The following CSNK1G1 variants were observed in gnomAD, a reference collection of about 807,000 sequenced individuals.
CSNK1G1 encodes the protein casein kinase 1 gamma 1.
Under a neutral mutation model 59.6 loss-of-function variants are expected in CSNK1G1, and 22 were observed. The ratio of observed to expected loss-of-function variants is 0.37; its 90% CI spans 0.26 to 0.53. CSNK1G1 has a LOEUF of 0.53. CSNK1G1 is among the 20% of genes least tolerant of loss of function. CSNK1G1 has a pLI of 0.89. For synonymous variants in CSNK1G1, 179 were observed against 177.1 expected (o/e 1.01, Z -0.08); for missense variants, 384 against 519.5 (o/e 0.74, Z 2.54).
intron 1 of CSNK1G1, among the ~76,000 whole-genome samples, chr15:64,343,208 A>AACACACACACACACACACACACACAC (rs3057760): frequency 0.16 from 17,942 of 109,668 alleles, 2,234 homozygotes; most frequent in East Asian, 0.24. Flanking sequence ...GCAAAACTCC[A>AACACACACACACACACACACACACAC]ACACACACAC....
At chr15:64,192,675 A>G (rs1251459117) in intron 10 of CSNK1G1, among the ~76,000 whole-genome samples, 1 of 151,804 alleles carries the variant, frequency 6.6e-6, no homozygotes, top group Non-Finnish European at 1.5e-5. Context: ...CCTCGCCAAC[A>G]TGGTGAGACC....
At chr15:64,330,465 A>G (rs1420397125) in intron 1 of CSNK1G1, among the ~76,000 whole-genome samples, 11 of 147,212 alleles carry the variant, frequency 7.5e-5, no homozygotes, top group Admixed American at 3.4e-4. Flanking sequence ...GCCTTTGACA[A>G]AATTCAACAA....
At chr15:64,351,334 T>C (rs1478090013) in intron 1 of CSNK1G1, among the ~76,000 whole-genome samples, 1 of 152,236 alleles carries the variant, frequency 6.6e-6, no homozygotes, top group Non-Finnish European at 1.5e-5. Context: ...GGTACATATA[T>C]AAACCTTCCC....
chr15:64,182,621 C>T (rs1274339028), intron 10 of CSNK1G1, among the ~76,000 whole-genome samples: 7 of 152,106 alleles, frequency 4.6e-5, no homozygotes, highest in Non-Finnish European at 4.4e-5. Context: ...AGAATGTCTT[C>T]GTTCTTAGAA....
intron 5 of CSNK1G1, among the ~76,000 whole-genome samples, chr15:64,215,547 C>A (rs1288403148): frequency 6.6e-6 from 1 of 152,176 alleles, no homozygotes; most frequent in Non-Finnish European, 1.5e-5. Flanking sequence ...AAGAGAAGCT[C>A]AGATATTTGA....
In CSNK1G1 at chr15:64,207,538, G is replaced by A; in HGVS notation, c.736C>T (p.Arg246Ter). 6.2e-7 allele frequency: 1 copy of A among 1,613,896 alleles called. No individual in the cohort carries two copies. ...AGTCCTTGCCAGGGGAGGCTGCCTC[G>A]AAGGAAATACATGAACATATGGCCT... The part of the protein sequence containing the change: ...ALGHMFMYFL[R>*]GSLPWQGLKA... Residue 246 changes from arginine (R) to a stop codon, truncating the protein, a stop_gained, in exon 7 of 12, where the codon CGA becomes TGA. Coordinates refer to ENST00000303052, the MANE Select transcript of CSNK1G1 (RefSeq NM_022048.5). LOFTEE classifies it high-confidence loss of function.
chr15:64,167,003 C>G lies in CSNK1G1; in HGVS notation c.*4928G>C, dbSNP rs1280913134. The stretch of plus-strand genomic sequence containing the variant: ...TACAAGGAATACGTGTTCACTTTTT[C>G]CCTTGAAAGGTGATTTACAAATACC... On this transcript the variant is annotated 3_prime_UTR_variant, in exon 12 of 12. Transcript: ENST00000303052. 3 of 152,128 alleles carry G rather than the reference C, an allele frequency of 2.0e-5. No individual in the cohort carries two copies. Among genetic ancestry groups the G allele is most frequent in the Non-Finnish European group, 4.4e-5 (3 of 68,026 alleles). 9.4% of individuals were successfully genotyped at this position (152,128 alleles called of 1,614,324 possible). A position where few individuals can be genotyped will look rare whatever the true frequency, so the allele number is the denominator to read the frequency against.
At chr15:64,286,513 T>C (rs944298094) in intron 2 of CSNK1G1, among the ~76,000 whole-genome samples, 93 of 152,194 alleles carry the variant, frequency 6.1e-4, no homozygotes, top group African/African-American at 2.1e-3. Context: ...AAGCTAATTA[T>C]CTTATATATT....
At chr15:64,206,686 G>A (rs1295432364) in intron 7 of CSNK1G1, among the ~76,000 whole-genome samples, 1 of 149,966 alleles carries the variant, frequency 6.7e-6, no homozygotes, top group Non-Finnish European at 1.5e-5. Flanking sequence ...AACAGCCAAA[G>A]GCACAGAGTA....
At chr15:64,235,144 A>G (rs1342048580) in intron 4 of CSNK1G1, among the ~76,000 whole-genome samples, 1 of 152,174 alleles carries the variant, frequency 6.6e-6, no homozygotes, top group Non-Finnish European at 1.5e-5. Flanking sequence ...GTTCCTAGGA[A>G]TTATCCAAGT....
chr15:64,326,553 A>G (rs905202849), intron 1 of CSNK1G1, among the ~76,000 whole-genome samples: 15 of 151,976 alleles, frequency 9.9e-5, no homozygotes, highest in Non-Finnish European at 1.9e-4. Flanking sequence ...CCGAAGCAGG[A>G]GAATCGCTTG....
intron 10 of CSNK1G1, among the ~76,000 whole-genome samples, chr15:64,190,119 C>CA (rs1246389317): frequency 6.6e-6 from 1 of 151,622 alleles, no homozygotes; most frequent in African/African-American, 2.4e-5. Flanking sequence ...CACGCCTGGC[C>CA]AATTTACTCC....
At position 64,312,986 on chromosome 15, in the gene CSNK1G1, C is replaced by T. The variant is rs144237733; in HGVS notation, c.-224-12263G>A. Among the ~76,000 whole-genome samples, 3 of 152,220 alleles carry T rather than the reference C, an allele frequency of 2.0e-5. No homozygotes were observed. In the East Asian group the frequency reaches 5.8e-4, roughly 29 times the overall value. Reference sequence around the variant, plus strand: ...TTCTCAAAAGAAGACATTTATGCAGCCAACAAACATGAAAAAATGCTCATC... The same window carrying T: ...TTCTCAAAAGAAGACATTTATGCAGTCAACAAACATGAAAAAATGCTCATC... On this transcript the variant is annotated intron_variant, in intron 1 of 11. Coordinates refer to ENST00000303052, the MANE Select transcript of CSNK1G1 (RefSeq NM_022048.5).
rs753815558 is a variant in CSNK1G1, at chr15:64,170,780, G to A, written c.*1151C>T. ...TGGGAAACAATTTCAATTTTTTTTT[G>A]TTAAGCATCTCCTTCTCTGGGATGA... is the stretch of plus-strand genomic sequence containing the variant. On this transcript the variant is annotated 3_prime_UTR_variant, in exon 12 of 12. Transcript: ENST00000303052. 1.4e-4 allele frequency: 21 copies of A among 152,116 alleles called. No homozygotes were observed. Among genetic ancestry groups the A allele is most frequent in the Non-Finnish European group, 1.8e-4 (12 of 67,926 alleles). 9.4% of individuals were successfully genotyped at this position (152,116 alleles called of 1,614,324 possible). A position where few individuals can be genotyped will look rare whatever the true frequency, so the allele number is the denominator to read the frequency against.
chr15:64,340,326 T>C (rs1897619369), intron 1 of CSNK1G1, among the ~76,000 whole-genome samples: 1 of 152,206 alleles, frequency 6.6e-6, no homozygotes. Flanking sequence ...TGTTGTGTTG[T>C]TTTAATGATT....
intron 4 of CSNK1G1, among the ~76,000 whole-genome samples, chr15:64,246,643 G>C (rs530465876): frequency 7.3e-4 from 107 of 145,798 alleles, no homozygotes; most frequent in South Asian, 5.2e-3. Context: ...AAAAAAAGGG[G>C]GGGGGGGAGG....
In CSNK1G1 at chr15:64,166,082, TAA is replaced by T. The variant is rs74417649; in HGVS notation, c.*5847_*5848del. ...CAGGGTTTATGAAACATTATACATC[TAA>T]AAAAAAAAAAAGTAAAAAAAGAGGC... On this transcript the variant is annotated 3_prime_UTR_variant, in exon 12 of 12. Coordinates refer to ENST00000303052, the MANE Select transcript of CSNK1G1 (RefSeq NM_022048.5). The surrounding 1 kb of genome is among the most constrained non-coding windows in gnomAD (Gnocchi z 4.5). 4,079 of 525,844 alleles carry T rather than the reference TAA, an allele frequency of 7.8e-3. No individual in the cohort carries two copies. Among genetic ancestry groups the T allele is most frequent in the South Asian group, 0.02 (846 of 42,592 alleles). 32.6% of individuals were successfully genotyped at this position (525,844 alleles called of 1,614,324 possible). A position where few individuals can be genotyped will look rare whatever the true frequency, so the allele number is the denominator to read the frequency against.
intron 4 of CSNK1G1, among the ~76,000 whole-genome samples, chr15:64,238,227 G>A (rs2082641294): frequency 6.6e-6 from 1 of 151,746 alleles, no homozygotes; most frequent in African/African-American, 2.4e-5. Flanking sequence ...ATGTGTGGAT[G>A]GCTCTAGGAA....
At chr15:64,262,327 T>C (rs946772552) in intron 2 of CSNK1G1, among the ~76,000 whole-genome samples, 7 of 152,190 alleles carry the variant, frequency 4.6e-5, no homozygotes, top group African/African-American at 1.4e-4. Context: ...GTAGAAGAGC[T>C]TGGATACGGA....
Sources: allele counts gnomAD v4.1 joint callset (sites outside exome capture counted in the v4.1 genomes callset), GRCh38; gene constraint gnomAD v4.1.1; non-coding constraint Gnocchi (gnomAD v3.1); transcripts MANE v1.5; gene names NCBI Gene and HGNC (gene_info 2026-07-23, HGNC 2026-07-21).